PDE1A: variants seen among roughly 807,000 people sequenced by gnomAD.
PDE1A encodes phosphodiesterase 1A, also known as dual specificity calcium/calmodulin-dependent 3',5'-cyclic nucleotide phosphodiesterase 1A.
A neutral mutation model predicts 61.7 loss-of-function variants in PDE1A; 35 were observed. The observed-to-expected ratio is 0.57, with a 90% CI of 0.43 to 0.75. The LOEUF (loss-of-function observed/expected upper bound fraction) is 0.75, where lower values mean the gene tolerates loss of function less well. Among genes scored for constraint, PDE1A ranks in the 30% least tolerant of loss-of-function variants. The pLI, the probability that PDE1A is intolerant of heterozygous loss-of-function variation, is 0.00. For missense variants in PDE1A, 597 were observed against 630.6 expected (o/e 0.95, Z 0.57); for synonymous variants, 232 against 213.2 (o/e 1.09, Z -0.77).
chr2:182,652,119 A>G, the PDE1A span, among the ~76,000 whole-genome samples: 1 of 152,202 alleles, frequency 6.6e-6, no homozygotes, highest in African/African-American at 2.4e-5. Context: ...TAAAATGGAG[A>G]GTTCAGCCAA....
chr2:182,678,397 T>C, the PDE1A span, among the ~76,000 whole-genome samples: 1 of 152,070 alleles, frequency 6.6e-6, no homozygotes. Context: ...CACTCCAGCC[T>C]GGGGGACAAG....
At chr2:182,369,754 T>C (rs1478665281) in intron 1 of PDE1A, among the ~76,000 whole-genome samples, 1 of 152,038 alleles carries the variant, frequency 6.6e-6, no homozygotes, top group East Asian at 1.9e-4. Flanking sequence ...CAAATTGCAG[T>C]GTCATAACAA....
chr2:182,317,866 G>A (rs567348724), intron 1 of PDE1A, among the ~76,000 whole-genome samples: 1 of 152,142 alleles, frequency 6.6e-6, no homozygotes, highest in South Asian at 2.1e-4. Context: ...GGTAGACGGG[G>A]GAGAAAACAA....
intron 5 of PDE1A, 66 bp from the exon 6 acceptor site, chr2:182,230,212 TGTTTGTCATGGAACATATTA>T (rs1256536669): frequency 7.9e-7 from 1 of 1,264,130 alleles, no homozygotes; most frequent in Non-Finnish European, 1.1e-6. Context: ...ACCTGAGCAC[TGTTTGTCATGGAACATATTA>T]GTGAGTCAGA....
chr2:182,166,866 G>A (rs1424811365), downstream of PDE1A, among the ~76,000 whole-genome samples: 3 of 152,154 alleles, frequency 2.0e-5, no homozygotes, highest in Non-Finnish European at 4.4e-5. Context: ...AATTATTGGA[G>A]TGCTTCTACT....
At chr2:182,380,348 G>A (rs372914772) in intron 1 of PDE1A, among the ~76,000 whole-genome samples, 1 of 151,616 alleles carries the variant, frequency 6.6e-6, no homozygotes, top group Non-Finnish European at 1.5e-5. Flanking sequence ...TCCTGATCTC[G>A]TGATCCACCC....
the PDE1A span, among the ~76,000 whole-genome samples, chr2:182,683,851 G>A: frequency 1.3e-5 from 2 of 151,996 alleles, no homozygotes; most frequent in Non-Finnish European, 2.9e-5. Flanking sequence ...TGGGAGCGGG[G>A]GCTCACGTCT....
At chr2:182,299,226 G>C (rs1451498747) in intron 1 of PDE1A, among the ~76,000 whole-genome samples, 1 of 151,674 alleles carries the variant, frequency 6.6e-6, no homozygotes, top group African/African-American at 2.4e-5. Flanking sequence ...GTAATAAATG[G>C]AGGCCTGGCC....
At chr2:182,242,164 A>T in intron 2 of PDE1A, 1 of 831,890 alleles carries the variant, frequency 1.2e-6, no homozygotes, top group South Asian at 3.7e-5. Context: ...GATGGTGCCA[A>T]TTCCTCCACA....
intron 1 of PDE1A, among the ~76,000 whole-genome samples, chr2:182,313,909 T>C (rs963728302): frequency 2.6e-5 from 4 of 152,188 alleles, no homozygotes; most frequent in African/African-American, 4.8e-5. Context: ...GGCAATGAGG[T>C]AGAGCAACTT....
At chr2:182,142,223 C>T (rs1223891828), downstream of PDE1A, 2 of 151,964 alleles carry the variant, frequency 1.3e-5, no homozygotes, top group Admixed American at 6.6e-5. Flanking sequence ...AAACATCCCG[C>T]TGGCAAATTT....
At chr2:182,236,953 A>C (rs1690069416) in intron 3 of PDE1A, among the ~76,000 whole-genome samples, 1 of 152,224 alleles carries the variant, frequency 6.6e-6, no homozygotes, top group Non-Finnish European at 1.5e-5. Flanking sequence ...TAGGATGGAA[A>C]ATTAGAAATA....
chr2:182,669,859 C>T, the PDE1A span, among the ~76,000 whole-genome samples: 3 of 152,308 alleles, frequency 2.0e-5, no homozygotes, highest in East Asian at 5.8e-4. Flanking sequence ...GCTAAGGAAT[C>T]CGGGAGTGGC....
intron 13 of PDE1A, among the ~76,000 whole-genome samples, chr2:182,157,716 A>G (rs1193129788): frequency 1.3e-5 from 2 of 152,228 alleles, no homozygotes; most frequent in Non-Finnish European, 2.9e-5. Context: ...TGCTGGTGGT[A>G]TGCATAATCC....
intron 1 of PDE1A, among the ~76,000 whole-genome samples, chr2:182,285,888 T>C (rs1694126994): frequency 6.6e-6 from 1 of 152,112 alleles, no homozygotes; most frequent in South Asian, 2.1e-4. Flanking sequence ...AATACTATTA[T>C]AAATCAATGG....
chr2:182,421,868 G>A (rs557958684), intron 1 of PDE1A, among the ~76,000 whole-genome samples: 2 of 152,212 alleles, frequency 1.3e-5, no homozygotes, highest in South Asian at 2.1e-4. Flanking sequence ...ATACCCATTA[G>A]GTCCACAAAC....
At chr2:182,500,945 T>A (rs1352933795) in intron 2 of PDE1A, among the ~76,000 whole-genome samples, 1 of 152,232 alleles carries the variant, frequency 6.6e-6, no homozygotes, top group South Asian at 2.1e-4. Flanking sequence ...GTACATAATT[T>A]TGTATCATTG....
the PDE1A span, among the ~76,000 whole-genome samples, chr2:182,633,667 C>T: frequency 6.6e-6 from 1 of 152,132 alleles, no homozygotes; most frequent in Non-Finnish European, 1.5e-5. Context: ...TCATCTTGCC[C>T]CTATTTCAGA....
upstream of PDE1A, among the ~76,000 whole-genome samples, chr2:182,427,419 G>A (rs1484512730): frequency 1.3e-5 from 2 of 152,160 alleles, no homozygotes; most frequent in South Asian, 2.1e-4. Flanking sequence ...AATTTCTACT[G>A]GTGACATTAT....
Sources: allele counts gnomAD v4.1 joint callset (sites outside exome capture counted in the v4.1 genomes callset), GRCh38; gene constraint gnomAD v4.1.1; transcripts MANE v1.5; gene names NCBI Gene and HGNC (gene_info 2026-07-23, HGNC 2026-07-21).